Variants in RAI2 observed in about 807,000 individuals in gnomAD.
RAI2 encodes the protein retinoic acid-induced protein 2.
RAI2 carries 5 observed loss-of-function variants against 15.3 expected under a neutral mutation model. The observed-to-expected ratio is 0.33, with a 90% CI of 0.17 to 0.69. The LOEUF is 0.69. RAI2 is among the 30% of genes least tolerant of loss of function. The pLI is 0.69. For missense variants in RAI2, 424 were observed against 424.7 expected (o/e 1.00, Z 0.01); for synonymous variants, 191 against 184.0 (o/e 1.04, Z -0.31).
chrX:17,818,805 G>C (rs769237400), intron 1 of RAI2, among the ~76,000 whole-genome samples: 1 of 112,459 alleles, frequency 8.9e-6, no homozygotes, highest in East Asian at 2.8e-4. Flanking sequence ...ACAAAATTCT[G>C]CCTCGGAAAT....
chrX:17,810,871 T>C (rs1024823926), intron 1 of RAI2, among the ~76,000 whole-genome samples: 4 of 112,923 alleles, frequency 3.5e-5, no homozygotes, highest in African/African-American at 1.3e-4. Flanking sequence ...GCACCTACTG[T>C]GTGCCAGGCA....
chrX:17,816,004 T>TC (rs1404126186), intron 1 of RAI2, among the ~76,000 whole-genome samples: 1 of 109,964 alleles, frequency 9.1e-6, no homozygotes, highest in Non-Finnish European at 1.9e-5. Flanking sequence ...CTCCTCCTCC[T>TC]CCTCTTTCTT....
chrX:17,814,869 T>G (rs2067087884), intron 1 of RAI2, among the ~76,000 whole-genome samples: 1 of 110,246 alleles, frequency 9.1e-6, no homozygotes, highest in Non-Finnish European at 1.9e-5. Context: ...GGTGATCTTG[T>G]GTTCCAACTC....
intron 1 of RAI2, among the ~76,000 whole-genome samples, chrX:17,852,926 A>G (rs762928417): frequency 9.0e-5 from 10 of 110,557 alleles, no homozygotes; most frequent in African/African-American, 2.0e-4. Flanking sequence ...AGTGGTGGGT[A>G]AAGGGCTGCT....
intron 1 of RAI2, among the ~76,000 whole-genome samples, chrX:17,802,478 A>C (rs1227262304): frequency 8.9e-6 from 1 of 112,636 alleles, no homozygotes; most frequent in African/African-American, 3.2e-5. Flanking sequence ...GCCTTGTCAC[A>C]TGTGAATATG....
At chrX:17,822,355 A>G (rs773172243) in intron 1 of RAI2, among the ~76,000 whole-genome samples, 1 of 112,043 alleles carries the variant, frequency 8.9e-6, no homozygotes, top group South Asian at 3.8e-4. Flanking sequence ...ACCCGTGACT[A>G]AAGACATTTG....
intron 1 of RAI2, among the ~76,000 whole-genome samples, chrX:17,858,915 C>T (rs1456937730): frequency 9.0e-6 from 1 of 111,504 alleles, no homozygotes; most frequent in East Asian, 2.8e-4. Flanking sequence ...TAGTCACTAC[C>T]CCCAAGTTCC....
chrX:17,816,145 T>A (rs60990044), intron 1 of RAI2, among the ~76,000 whole-genome samples: 2,498 of 107,657 alleles, frequency 0.023, 69 homozygotes, highest in African/African-American at 0.079. Flanking sequence ...TTTACCATGC[T>A]CCCCACTAGG....
At chrX:17,841,583 G>A (rs1440177460) in intron 1 of RAI2, among the ~76,000 whole-genome samples, 2 of 112,439 alleles carry the variant, frequency 1.8e-5, no homozygotes, top group Admixed American at 9.4e-5. Context: ...GGGACAATAC[G>A]TGTACAATAC....
At chrX:17,815,323 G>GCACACA (rs5901632) in intron 1 of RAI2, among the ~76,000 whole-genome samples, 3 of 100,951 alleles carry the variant, frequency 3.0e-5, no homozygotes, top group Admixed American at 2.2e-4. Flanking sequence ...GTGCACACGT[G>GCACACA]CACACACACA....
intron 1 of RAI2, among the ~76,000 whole-genome samples, chrX:17,825,248 T>A (rs1487099590): frequency 5.3e-5 from 6 of 113,127 alleles, no homozygotes; most frequent in African/African-American, 1.9e-4. Flanking sequence ...CAGTAATATT[T>A]AAGCTTGTGC....
At chrX:17,814,541 C>A (rs1476553236) in intron 1 of RAI2, among the ~76,000 whole-genome samples, 1 of 108,050 alleles carries the variant, frequency 9.3e-6, no homozygotes, top group Non-Finnish European at 1.9e-5. Flanking sequence ...GCCACCATGA[C>A]CAAATGTTTC....
intron 1 of RAI2, among the ~76,000 whole-genome samples, chrX:17,814,072 T>C (rs1410582297): frequency 2.7e-5 from 3 of 110,897 alleles, no homozygotes; most frequent in Non-Finnish European, 5.7e-5. Context: ...AGTAATTTAT[T>C]TGGGAGAAGA....
chrX:17,804,155 T>C (rs1242826418), intron 1 of RAI2, among the ~76,000 whole-genome samples: 1 of 110,805 alleles, frequency 9.0e-6, no homozygotes, highest in Non-Finnish European at 1.9e-5. Context: ...AGATGGGGTT[T>C]CACCATGTTG....
At chrX:17,818,268 A>G (rs1249863097) in intron 1 of RAI2, among the ~76,000 whole-genome samples, 1 of 112,501 alleles carries the variant, frequency 8.9e-6, no homozygotes, top group East Asian at 2.8e-4. Context: ...CCAGAGGTAC[A>G]TGACTCAGGG....
chrX:17,800,548 A>G lies in RAI2; in HGVS notation c.1463T>C (p.Met488Thr). 1.7e-6 allele frequency: 2 copies of G among 1,210,831 alleles called. No homozygotes were observed. The highest frequency in any genetic ancestry group is 2.2e-6 in the Non-Finnish European group (2 of 894,871). ...TTTCCTAAGGGGCTCTGCATTTCCCATGGACTCTTCCCCTTGGCTGTTGAT... is the reference window on the plus strand; with the variant it reads ...TTTCCTAAGGGGCTCTGCATTTCCCGTGGACTCTTCCCCTTGGCTGTTGAT... ...YDINSQGEES[M>T]GNAEPLRKPI... Residue 488 changes from methionine to threonine, a missense_variant, in exon 2 of 2, where the codon ATG becomes ACG. Transcript: ENST00000451717.
intron 1 of RAI2, among the ~76,000 whole-genome samples, chrX:17,844,050 C>T (rs935632096): frequency 1.8e-5 from 2 of 112,126 alleles, no homozygotes; most frequent in South Asian, 3.8e-4. Context: ...TTCAATCACT[C>T]GGCACTCCAC....
intron 1 of RAI2, among the ~76,000 whole-genome samples, chrX:17,834,160 A>T: frequency 8.9e-6 from 1 of 112,001 alleles, no homozygotes; most frequent in Non-Finnish European, 1.9e-5. Context: ...GCTGGATTCA[A>T]CTTCCCCATA....
chrX:17,827,826 C>G (rs911482324), intron 1 of RAI2, among the ~76,000 whole-genome samples: 5 of 111,723 alleles, frequency 4.5e-5, no homozygotes, highest in African/African-American at 1.6e-4. Flanking sequence ...CTTTTTGGTG[C>G]CACCTCTGCA....
Sources: allele counts gnomAD v4.1 joint callset (sites outside exome capture counted in the v4.1 genomes callset), GRCh38; gene constraint gnomAD v4.1.1; transcripts MANE v1.5; gene names NCBI Gene and HGNC (gene_info 2026-07-23, HGNC 2026-07-21).